The following SUPT3H variants were observed in gnomAD, a reference collection of about 807,000 sequenced individuals.
The protein encoded by SUPT3H is transcription initiation protein SPT3 homolog.
Under a neutral mutation model 44.3 loss-of-function variants are expected in SUPT3H, and 44 were observed. The observed-to-expected ratio is 0.99, with a 90% CI of 0.78 to 1.28. The LOEUF (loss-of-function observed/expected upper bound fraction) is 1.28, where lower values mean the gene tolerates loss of function less well. Among genes scored for constraint, SUPT3H ranks in the 50% most tolerant of loss-of-function variants. SUPT3H has a pLI of 0.00. For synonymous variants in SUPT3H, 124 were observed against 125.6 expected, an observed-to-expected ratio of 0.99 and a Z score of 0.09; for missense variants, 380 against 387.1, an observed-to-expected ratio of 0.98 and a Z score of 0.15.
At chr6:45,067,447 G>C (rs1264053612) in intron 3 of SUPT3H, among the ~76,000 whole-genome samples, 5 of 135,150 alleles carry the variant, frequency 3.7e-5, no homozygotes, top group African/African-American at 1.3e-4. Context: ...GGCAACAAAA[G>C]CCAAAATTGA....
chr6:44,902,069 A>G (rs962240801), intron 10 of SUPT3H, among the ~76,000 whole-genome samples: 3 of 152,222 alleles, frequency 2.0e-5, no homozygotes, highest in South Asian at 2.1e-4. Flanking sequence ...CTGCAAAATC[A>G]TGCCAAATTG....
chr6:45,129,841 G>C (rs1050426080), intron 2 of SUPT3H, among the ~76,000 whole-genome samples: 2 of 151,828 alleles, frequency 1.3e-5, no homozygotes, highest in Non-Finnish European at 2.9e-5. Context: ...GAAGAACTTA[G>C]GAAAGGATGG....
intron 11 of SUPT3H, among the ~76,000 whole-genome samples, chr6:44,813,605 T>A (rs1581797635): frequency 1.4e-5 from 2 of 142,586 alleles, no homozygotes; most frequent in Non-Finnish European, 1.5e-5. Context: ...AACAGAAACA[T>A]TCCCAAGCAA....
At chr6:45,206,742 A>G (rs1297295571) in intron 2 of SUPT3H, among the ~76,000 whole-genome samples, 1 of 152,160 alleles carries the variant, frequency 6.6e-6, no homozygotes, top group Admixed American at 6.5e-5. Flanking sequence ...GTGGGCTGTG[A>G]GAGAGTTAAA....
chr6:45,231,870 T>C (rs34037340), intron 2 of SUPT3H, among the ~76,000 whole-genome samples: 6 of 152,168 alleles, frequency 3.9e-5, no homozygotes, highest in African/African-American at 1.2e-4. Flanking sequence ...TTCTAGTCTA[T>C]TGCTGAAGCT....
chr6:44,965,959 G>A (rs1343854438), intron 6 of SUPT3H, among the ~76,000 whole-genome samples: 2 of 152,162 alleles, frequency 1.3e-5, no homozygotes, highest in East Asian at 3.8e-4. Context: ...CAAAAGAAAT[G>A]CGTTTAAGTA....
intron 3 of SUPT3H, among the ~76,000 whole-genome samples, chr6:45,081,197 T>TA (rs1364152291): frequency 2.0e-5 from 3 of 152,038 alleles, no homozygotes; most frequent in African/African-American, 7.2e-5. Context: ...AATGCCTACA[T>TA]AATCTGGTCC....
intron 10 of SUPT3H, among the ~76,000 whole-genome samples, chr6:44,893,567 C>A (rs1388207683): frequency 6.6e-6 from 1 of 152,252 alleles, no homozygotes; most frequent in Non-Finnish European, 1.5e-5. Flanking sequence ...TTTTTTATGG[C>A]TGCACAGTAT....
chr6:44,871,074 G>C (rs1289982299), intron 10 of SUPT3H, among the ~76,000 whole-genome samples: 1 of 149,906 alleles, frequency 6.7e-6, no homozygotes, highest in East Asian at 2.0e-4. Context: ...CTGGGGGAGG[G>C]GCGCCCGCCA....
At chr6:45,235,225 G>C (rs544797955) in intron 2 of SUPT3H, among the ~76,000 whole-genome samples, 6 of 152,036 alleles carry the variant, frequency 3.9e-5, no homozygotes, top group African/African-American at 1.4e-4. Context: ...TTATTATAAG[G>C]CCACATTTTA....
chr6:44,920,665 G>A (rs1045448545), intron 10 of SUPT3H, among the ~76,000 whole-genome samples: 3 of 151,568 alleles, frequency 2.0e-5, no homozygotes, highest in African/African-American at 7.3e-5. Context: ...AATCCATAAT[G>A]TATTTTGGCA....
Position 44,829,630 on chromosome 6 carries a change from C to G in SUPT3H, c.*186G>C. 1.6e-6 allele frequency: 1 copy of G among 619,274 alleles called. No individual in the cohort carries two copies. The highest frequency in any genetic ancestry group is 2.0e-5 in the South Asian group (1 of 51,012). The allele number at this position is 619,274 out of a possible 1,614,324, so 38.4% of individuals were successfully genotyped here. ...GCCATTAATTAGCTGAACAGCCCAT[C>G]TAGTAAACAAGACCGATGGTTGAGG... On this transcript the variant is annotated 3_prime_UTR_variant, in exon 11 of 11. Coordinates refer to ENST00000371459, the MANE Select transcript of SUPT3H (RefSeq NM_003599.4).
At chr6:44,967,163 A>C (rs1776889839) in intron 6 of SUPT3H, among the ~76,000 whole-genome samples, 1 of 152,258 alleles carries the variant, frequency 6.6e-6, no homozygotes, top group Non-Finnish European at 1.5e-5. Flanking sequence ...TTGTGAAAGA[A>C]TTATTCCTAA....
At chr6:45,176,480 C>T (rs550700184) in intron 2 of SUPT3H, among the ~76,000 whole-genome samples, 3,956 of 147,228 alleles carry the variant, frequency 0.027, 168 homozygotes, top group African/African-American at 0.091. Context: ...AACTGCAAGG[C>T]GGCAGCGAGG....
At chr6:45,088,136 C>T (rs1006542676) in intron 3 of SUPT3H, among the ~76,000 whole-genome samples, 2 of 151,974 alleles carry the variant, frequency 1.3e-5, no homozygotes, top group South Asian at 4.2e-4. Flanking sequence ...TTCTCAGGGA[C>T]ATAAAATCAG....
intron 2 of SUPT3H, among the ~76,000 whole-genome samples, chr6:45,321,239 T>C (rs927445064): frequency 3.9e-5 from 6 of 152,126 alleles, no homozygotes; most frequent in Non-Finnish European, 8.8e-5. Context: ...CCCAAGCTAC[T>C]CATATTCACT....
chr6:45,119,718 G>C (rs1044269843), intron 2 of SUPT3H, among the ~76,000 whole-genome samples: 2 of 152,100 alleles, frequency 1.3e-5, no homozygotes, highest in Non-Finnish European at 2.9e-5. Context: ...GAGAATCAAA[G>C]GGTGTATTCC....
chr6:44,997,766 T>C (rs937930767), intron 6 of SUPT3H, among the ~76,000 whole-genome samples: 1 of 151,876 alleles, frequency 6.6e-6, no homozygotes, highest in Non-Finnish European at 1.5e-5. Flanking sequence ...ATGATGTCTG[T>C]TCATTTAAGT....
intron 2 of SUPT3H, among the ~76,000 whole-genome samples, chr6:45,222,580 T>C (rs1766243095): frequency 6.6e-6 from 1 of 152,194 alleles, no homozygotes; most frequent in South Asian, 2.1e-4. Context: ...GAATCATTCA[T>C]ACATTTCTGA....
Sources: gnomAD v4.1 joint callset for allele counts (sites outside exome capture counted in the v4.1 genomes callset) on GRCh38, gnomAD v4.1.1 for gene constraint, MANE v1.5 for transcripts, NCBI Gene and HGNC (gene_info 2026-07-23, HGNC 2026-07-21) for gene names.